Variants in LPO observed in about 807,000 individuals in gnomAD.
The protein encoded by LPO is salivary peroxidase.
A neutral mutation model predicts 68.4 loss-of-function variants in LPO; 70 were observed. That is an observed-to-expected ratio of 1.02 (90% CI 0.84 to 1.25). LPO has a LOEUF of 1.25. LPO is among the 50% of genes most tolerant of loss of function. The pLI, the probability that LPO is intolerant of heterozygous loss-of-function variation, is 0.00. For synonymous variants in LPO, 360 were observed against 357.6 expected (o/e 1.01, Z -0.08); for missense variants, 873 against 908.4 (o/e 0.96, Z 0.50).
chr17:58,242,135 G>A (rs1969771087), intron 1 of LPO, among the ~76,000 whole-genome samples: 1 of 152,162 alleles, frequency 6.6e-6, no homozygotes, highest in Admixed American at 6.5e-5. Flanking sequence ...TGCCACCCCG[G>A]GCTGGAGCCA....
At chr17:58,242,862 C>G in intron 1 of LPO, 116 bp from the exon 2 acceptor site, 1 of 795,552 alleles carries the variant, frequency 1.3e-6, no homozygotes. Flanking sequence ...TTTCTCCTTT[C>G]CTGTTCCAAT....
intron 1 of LPO, among the ~76,000 whole-genome samples, chr17:58,242,052 G>A (rs1010549428): frequency 6.6e-6 from 1 of 152,094 alleles, no homozygotes; most frequent in African/African-American, 2.4e-5. Context: ...GAGCACAGGC[G>A]CCCTTGTGAA....
intron 9 of LPO, among the ~76,000 whole-genome samples, chr17:58,262,071 G>A (rs1003479343): frequency 1.3e-5 from 2 of 152,180 alleles, no homozygotes; most frequent in Admixed American, 6.5e-5. Flanking sequence ...GAAAAGAATT[G>A]ATGTTTACTT....
chr17:58,251,715 C>T, intron 7 of LPO: 1 of 364,326 alleles, frequency 2.7e-6, no homozygotes, highest in South Asian at 2.1e-5. Context: ...CTTTTCTGAG[C>T]CCCAGTTTTC....
At chr17:58,258,622 T>G (rs1319549869) in intron 9 of LPO, among the ~76,000 whole-genome samples, 2 of 152,236 alleles carry the variant, frequency 1.3e-5, no homozygotes, top group Non-Finnish European at 2.9e-5. Context: ...TTGGCTACTC[T>G]GAGTCTTCTA....
At chr17:58,247,185 T>C (rs1302494726) in intron 3 of LPO, among the ~76,000 whole-genome samples, 1 of 152,218 alleles carries the variant, frequency 6.6e-6, no homozygotes, top group East Asian at 1.9e-4. Flanking sequence ...AAGATAACTT[T>C]CTAGGATGAT....
intron 9 of LPO, among the ~76,000 whole-genome samples, chr17:58,255,664 C>T (rs8178356): frequency 4.6e-5 from 7 of 152,036 alleles, no homozygotes; most frequent in African/African-American, 1.7e-4. Context: ...GGCCTCCCTC[C>T]CTGCAGATTA....
At chr17:58,244,181 G>A (rs182380438) in intron 3 of LPO, 100 bp downstream of exon 3, 1,111 of 926,718 alleles carry the variant, frequency 1.2e-3, no homozygotes, top group Non-Finnish European at 1.4e-3. Flanking sequence ...AGGCCAGCCC[G>A]GATGAGCCAA....
intron 8 of LPO, among the ~76,000 whole-genome samples, chr17:58,254,159 A>AGATAGAT (rs1970022893): frequency 6.6e-6 from 1 of 151,226 alleles, no homozygotes; most frequent in African/African-American, 2.4e-5. Context: ...ATATATAGAT[A>AGATAGAT]GATAGATAGA....
Position 58,254,706 on chromosome 17 carries a change from G to A in LPO, c.1106-105G>A, listed in dbSNP as rs565038627. 13 of 1,111,762 alleles carry A rather than the reference G, an allele frequency of 1.2e-5. No individual in the cohort carries two copies. In the East Asian group the frequency reaches 1.5e-4, roughly 13 times the overall value. 68.9% of individuals were successfully genotyped at this position (1,111,762 alleles called of 1,614,324 possible). On this transcript the variant is annotated intron_variant, in intron 8 of 12. Coordinates refer to ENST00000262290, the MANE Select transcript of LPO (RefSeq NM_006151.3). ...GAAGTAGGGCTTGTTGACGGGGCGGGGGGGGCGGGGCGCGGTCCTGTGGGG... is the reference window on the plus strand; with the variant it reads ...GAAGTAGGGCTTGTTGACGGGGCGGAGGGGGCGGGGCGCGGTCCTGTGGGG...
rs1334924778 is a variant in LPO, at chr17:58,249,615, C to T, written c.493C>T (p.Pro165Ser). Residue 165 changes from proline to serine, a missense_variant, in exon 6 of 13, where the codon CCC (proline) becomes TCC (serine). Physicochemically the swap from Pro to Ser is moderately conservative, Grantham distance 74. Transcript: ENST00000262290. Reference protein sequence around the residue: ...AANRALARWLPAEYEDGLSLP... With the variant: ...AANRALARWLSAEYEDGLSLP... Reference sequence around the variant, plus strand: ...CAACAGGGCTCTGGCGCGCTGGCTGCCCGCGGAGTACGAGGACGGGCTCTC... The same window carrying T: ...CAACAGGGCTCTGGCGCGCTGGCTGTCCGCGGAGTACGAGGACGGGCTCTC... The T allele has an allele frequency of 6.2e-7, 1 of 1,603,104 alleles. No individual in the cohort carries two copies. The highest frequency in any genetic ancestry group is 1.1e-5 in the South Asian group (1 of 90,878).
chr17:58,262,514 C>T (rs1050980563), intron 9 of LPO, among the ~76,000 whole-genome samples: 1 of 152,156 alleles, frequency 6.6e-6, no homozygotes, highest in East Asian at 1.9e-4. Context: ...CTCAGCCTCC[C>T]GAGTAGCTGG....
intron 5 of LPO, 27 bp downstream of exon 5, chr17:58,249,204 G>A (rs1380113810): frequency 6.3e-7 from 1 of 1,581,214 alleles, no homozygotes; most frequent in Non-Finnish European, 8.7e-7. Flanking sequence ...TGTGGGGGCC[G>A]ACCATTCCAG....
intron 9 of LPO, among the ~76,000 whole-genome samples, chr17:58,259,010 A>G (rs8178367): frequency 0.027 from 3,837 of 144,138 alleles, 157 homozygotes; most frequent in African/African-American, 0.098. Flanking sequence ...ATTTTCTCCC[A>G]GTCTATAATT....
chr17:58,246,148 T>C (rs561655412), intron 3 of LPO, among the ~76,000 whole-genome samples: 1 of 152,024 alleles, frequency 6.6e-6, no homozygotes, highest in South Asian at 2.1e-4. Flanking sequence ...GCAGAGGGCA[T>C]GGGGGTGGCA....
chr17:58,266,651 C>T (rs959276701), intron 11 of LPO, among the ~76,000 whole-genome samples: 5 of 151,934 alleles, frequency 3.3e-5, no homozygotes, highest in African/African-American at 1.2e-4. Flanking sequence ...TAGACATAGT[C>T]TTGCTATGTT....
chr17:58,252,722 C>A (rs1969985234), intron 8 of LPO, among the ~76,000 whole-genome samples: 1 of 151,998 alleles, frequency 6.6e-6, no homozygotes. Flanking sequence ...AGAAAAGTAA[C>A]AAAGAAAATA....
chr17:58,252,031 G>A (rs992321806), intron 7 of LPO, 151 bp from the exon 8 acceptor site: 2 of 770,388 alleles, frequency 2.6e-6, no homozygotes, highest in Admixed American at 1.8e-5. Flanking sequence ...GGTGTGTAAT[G>A]TCAGCAAGAA....
chr17:58,258,494 G>A (rs1970113276), intron 9 of LPO, among the ~76,000 whole-genome samples: 1 of 152,090 alleles, frequency 6.6e-6, no homozygotes, highest in African/African-American at 2.4e-5. Flanking sequence ...CTGTTACATT[G>A]GTCTTTGTGT....
Sources: allele counts gnomAD v4.1 joint callset (sites outside exome capture counted in the v4.1 genomes callset), GRCh38; gene constraint gnomAD v4.1.1; transcripts MANE v1.5; gene names NCBI Gene and HGNC (gene_info 2026-07-23, HGNC 2026-07-21).